The following ACSS1 variants were observed in gnomAD, a reference collection of about 807,000 sequenced individuals.
ACSS1 encodes the protein acetyl-coenzyme A synthetase 2-like, mitochondrial.
A neutral mutation model predicts 75.3 loss-of-function variants in ACSS1; 42 were observed. The observed-to-expected ratio is 0.56, with a 90% CI of 0.44 to 0.72. The LOEUF (loss-of-function observed/expected upper bound fraction) is 0.72, where lower values mean the gene tolerates loss of function less well. Ranked by LOEUF, ACSS1 falls within the 30% of genes least tolerant of loss-of-function variation. ACSS1 has a pLI of 0.00. For missense variants in ACSS1, 782 were observed against 935.7 expected (o/e 0.84, Z 2.14); for synonymous variants, 380 against 376.8 (o/e 1.01, Z -0.10).
At chr20:25,032,983 C>G (rs1346995013) in intron 2 of ACSS1, among the ~76,000 whole-genome samples, 27 of 152,234 alleles carry the variant, frequency 1.8e-4, no homozygotes, top group Admixed American at 1.8e-3. Context: ...TTCAGTGGCG[C>G]CCCACCCACG....
At chr20:25,052,788 C>T (rs1406022891) in intron 1 of ACSS1, among the ~76,000 whole-genome samples, 2 of 152,258 alleles carry the variant, frequency 1.3e-5, no homozygotes, top group South Asian at 2.1e-4. Flanking sequence ...CGCTCCATCT[C>T]GCTCACAGAT....
chr20:25,008,417 T>C lies in ACSS1; in HGVS notation c.1891-476A>G, dbSNP rs186414573. On this transcript the variant is annotated intron_variant, in intron 13 of 13. Coordinates refer to ENST00000323482, the MANE Select transcript of ACSS1 (RefSeq NM_032501.4). The stretch of plus-strand genomic sequence containing the variant: ...ACAACTACAGCCCATTCACTGCAAA[T>C]GGCAATGCATTAAGAGCTGTGTTTG... Among the ~76,000 whole-genome samples the C allele has an allele frequency of 8.3e-4, 126 of 152,342 alleles. 1 individual carries two copies. The highest frequency in any genetic ancestry group is 3.0e-3 in the African/African-American group (124 of 41,578).
At chr20:25,054,371 TAGTC>T (rs1431110628) in intron 1 of ACSS1, among the ~76,000 whole-genome samples, 1 of 152,230 alleles carries the variant, frequency 6.6e-6, no homozygotes, top group Non-Finnish European at 1.5e-5. Flanking sequence ...AAATAACAAA[TAGTC>T]AGTGACTGGG....
chr20:25,057,667 G>T, intron 1 of ACSS1, 102 bp downstream of exon 1: 1 of 1,236,812 alleles, frequency 8.1e-7, no homozygotes, highest in Non-Finnish European at 1.1e-6. Context: ...CTGCAGGGCT[G>T]CGATCCGCGC....
At chr20:25,045,472 G>T (rs1388602460) in intron 2 of ACSS1, among the ~76,000 whole-genome samples, 1 of 152,228 alleles carries the variant, frequency 6.6e-6, no homozygotes, top group African/African-American at 2.4e-5. Flanking sequence ...CAGGTCACCT[G>T]GGATTGTAAC....
intron 2 of ACSS1, among the ~76,000 whole-genome samples, chr20:25,047,857 T>C (rs1319321299): frequency 6.6e-6 from 1 of 152,200 alleles, no homozygotes; most frequent in East Asian, 1.9e-4. Flanking sequence ...ATTTTATTTA[T>C]TGTCCCATCC....
Position 25,021,374 on chromosome 20 carries a change from G to A in ACSS1, c.1108+15C>T. The A allele has an allele frequency of 6.2e-7, 1 of 1,612,940 alleles. No individual in the cohort carries two copies. The highest frequency in any genetic ancestry group is 8.5e-7 in the Non-Finnish European group (1 of 1,179,342). ...ACACCAGCATGGGGTCCCAAACAGG[G>A]TTCACCATCCTTACCAGCATTGGGA... On this transcript the variant is annotated intron_variant, in intron 6 of 13. Transcript: ENST00000323482.
chr20:25,051,223 T>A (rs904578106), intron 1 of ACSS1, among the ~76,000 whole-genome samples: 9 of 152,052 alleles, frequency 5.9e-5, no homozygotes, highest in African/African-American at 2.2e-4. Flanking sequence ...CCCCAACTCT[T>A]CCAGATGCTC....
At chr20:25,042,062 C>G (rs958663284) in intron 2 of ACSS1, among the ~76,000 whole-genome samples, 3 of 118,750 alleles carry the variant, frequency 2.5e-5, no homozygotes, top group African/African-American at 9.4e-5. Context: ...CTGTGGTCGC[C>G]CCAGAGAATT....
In ACSS1 at chr20:25,048,119, C is replaced by T. The variant is rs1437761545; in HGVS notation, c.397G>A (p.Asp133Asn). The change falls in exon 2 of 14, where the codon GAT becomes AAT. Residue 133 changes from aspartate (D) to asparagine (N), a missense_variant. Coordinates refer to ENST00000323482, the MANE Select transcript of ACSS1 (RefSeq NM_032501.4). ...ATCCTCACTTCCGTTCCAGGCTCATCGCGCTCCCAGATCAAAGCAACGCTC... is the reference window on the plus strand; with the variant it reads ...ATCCTCACTTCCGTTCCAGGCTCATTGCGCTCCCAGATCAAAGCAACGCTC... ...PESVALIWERDEPGTEVRITY... is the reference protein window; with the variant it reads ...PESVALIWERNEPGTEVRITY... The T allele has an allele frequency of 2.5e-6, 4 of 1,613,616 alleles. No homozygotes were observed. Among genetic ancestry groups the T allele is most frequent in the Middle Eastern group, 1.6e-4 (1 of 6,084 alleles).
intron 2 of ACSS1, among the ~76,000 whole-genome samples, chr20:25,040,791 C>T (rs895514956): frequency 2.0e-5 from 3 of 152,186 alleles, no homozygotes; most frequent in African/African-American, 7.2e-5. Flanking sequence ...GCAGCCTCCT[C>T]CTCTATCTTT....
At chr20:25,042,305 C>G (rs1313041940) in intron 2 of ACSS1, among the ~76,000 whole-genome samples, 1 of 152,180 alleles carries the variant, frequency 6.6e-6, no homozygotes, top group South Asian at 2.1e-4. Flanking sequence ...GCTTCAAAAA[C>G]AGCCCACCCC....
chr20:25,015,150 A>G lies in ACSS1; in HGVS notation c.1327T>C (p.Trp443Arg). Residue 443 changes from tryptophan to arginine, a missense_variant, in exon 8 of 14, where the codon TGG becomes CGG. By Grantham distance (101) the Trp-to-Arg change is moderately radical (BLOSUM62 -3). Transcript: ENST00000323482. ...GDSRCTLVDT[W>R]WQTETGGICI... is the part of the protein sequence containing the mutation. ...CAGGCCTCCTCACCTGTCTGCCACCAGGTGTCCACCAGCGTGCACCTGCTG... is the reference window on the plus strand; with the variant it reads ...CAGGCCTCCTCACCTGTCTGCCACCGGGTGTCCACCAGCGTGCACCTGCTG... 1 of 1,611,220 alleles carries G rather than the reference A, an allele frequency of 6.2e-7. No individual in the cohort carries two copies. Among genetic ancestry groups the G allele is most frequent in the Non-Finnish European group, 8.5e-7 (1 of 1,177,834 alleles).
chr20:25,012,420 C>G, intron 12 of ACSS1, 181 bp downstream of exon 12: 1 of 724,570 alleles, frequency 1.4e-6, no homozygotes, highest in Non-Finnish European at 2.3e-6. Context: ...GAAACCCGAC[C>G]GAACACGAGT....
At chr20:25,026,822 C>A (rs942610689) in intron 3 of ACSS1, among the ~76,000 whole-genome samples, 1 of 152,194 alleles carries the variant, frequency 6.6e-6, no homozygotes, top group African/African-American at 2.4e-5. Context: ...GATATCAGGG[C>A]AGAGTCCTCT....
intron 12 of ACSS1, chr20:25,011,254 T>G (rs894875193): frequency 1.3e-5 from 2 of 152,132 alleles, no homozygotes; most frequent in Non-Finnish European, 2.9e-5. Flanking sequence ...TGCCCAAACG[T>G]TTGTCTAAAG....
rs569694699 is a variant in ACSS1, at chr20:25,040,559, G to A, written c.431+7526C>T. Reference sequence around the variant, plus strand: ...AAGAACAGGAGGCTCCTGCTCCCCAGTGCTGTGCTGGATAACAGCCAGTTT... The same window carrying A: ...AAGAACAGGAGGCTCCTGCTCCCCAATGCTGTGCTGGATAACAGCCAGTTT... On this transcript the variant is annotated intron_variant, in intron 2 of 13. Transcript: ENST00000323482. Among the ~76,000 whole-genome samples the A allele has an allele frequency of 3.3e-5, 5 of 152,356 alleles. No individual in the cohort carries two copies. In the East Asian group the frequency reaches 9.6e-4, roughly 29 times the overall value.
At chr20:25,057,701 C>G in intron 1 of ACSS1, 68 bp downstream of exon 1, 2 of 1,442,900 alleles carry the variant, frequency 1.4e-6, no homozygotes, top group Non-Finnish European at 9.3e-7. Flanking sequence ...CTGCCGCTGG[C>G]GAGAGGCTCC....
chr20:25,058,085 C>T lies in ACSS1; in HGVS notation c.18G>A (p.Leu6=). Residue 6 remains leucine (L), a synonymous_variant, in exon 1 of 14, where the codon CTG becomes CTA. Transcript: ENST00000323482. ...CCAGCAGCCTCCCGACGCCGCGGCC[C>T]AGGGTGCGCGCCGCCATCTAGGCAG... MAART[L]GRGVGRLLGS... is the part of the protein sequence containing the mutation. The T allele has an allele frequency of 8.0e-7, 1 of 1,256,188 alleles. No homozygotes were observed. The highest frequency in any genetic ancestry group is 1.0e-6 in the Non-Finnish European group (1 of 1,003,766). 77.8% of individuals were successfully genotyped at this position (1,256,188 alleles called of 1,614,324 possible). A position where few individuals can be genotyped will look rare whatever the true frequency, so the allele number is the denominator to read the frequency against.
Sources: gnomAD v4.1 joint callset for allele counts (sites outside exome capture counted in the v4.1 genomes callset) on GRCh38, gnomAD v4.1.1 for gene constraint, MANE v1.5 for transcripts, NCBI Gene and HGNC (gene_info 2026-07-23, HGNC 2026-07-21) for gene names.